GUCA1B: variants seen among roughly 807,000 people sequenced by gnomAD.
GUCA1B encodes the protein guanylate cyclase activator 1B, also known as guanylyl cyclase-activating protein 2.
In GUCA1B, 22 loss-of-function variants were observed where a neutral mutation model predicts 24.2. The ratio of observed to expected loss-of-function variants is 0.91; its 90% confidence interval spans 0.65 to 1.30. The LOEUF (loss-of-function observed/expected upper bound fraction) is 1.30, where lower values mean the gene tolerates loss of function less well. Among genes scored for constraint, GUCA1B ranks in the 50% most tolerant of loss-of-function variants. GUCA1B has a pLI of 0.00. For synonymous variants in GUCA1B, 100 were observed against 97.9 expected, an observed-to-expected ratio of 1.02 and a Z score of -0.13; for missense variants, 221 against 258.8, an observed-to-expected ratio of 0.85 and a Z score of 1.00.
chr6:42,185,775 G>A lies in GUCA1B; in HGVS notation c.380C>T (p.Ala127Val). 2 of 1,611,288 alleles carry A rather than the reference G, an allele frequency of 1.2e-6. No homozygotes were observed. The highest frequency in any genetic ancestry group is 1.7e-5 in the Admixed American group (1 of 60,004). The change falls in exon 3 of 4, where the codon GCC (alanine) becomes GTC (valine). Residue 127 changes from alanine (A) to valine (V), a missense_variant. Transcript: ENST00000230361. Reference sequence around the variant, plus strand: ...CTCAGTTTGTAGCTCTCGCCGGCAGGCTTTCTTCAGCTGGTAAATTCCCTG... The same window carrying A: ...CTCAGTTTGTAGCTCTCGCCGGCAGACTTTCTTCAGCTGGTAAATTCCCTG... ...IVEGIYQLKK[A>V]CRRELQTEQG...
At chr6:42,190,360 C>CTTT (rs1562064110) in intron 1 of GUCA1B, among the ~76,000 whole-genome samples, 1 of 72,744 alleles carries the variant, frequency 1.4e-5, no homozygotes, top group South Asian at 3.5e-4. Context: ...TGTCAACTTC[C>CTTT]ATTTTTTTTT....
chr6:42,191,458 C>T (rs1768303891), intron 1 of GUCA1B, among the ~76,000 whole-genome samples: 1 of 152,146 alleles, frequency 6.6e-6, no homozygotes, highest in Non-Finnish European at 1.5e-5. Context: ...CGAAATGACA[C>T]TCCTTGATAT....
chr6:42,190,386 A>T (rs999659137), intron 1 of GUCA1B, among the ~76,000 whole-genome samples: 82 of 100,846 alleles, frequency 8.1e-4, no homozygotes, highest in African/African-American at 4.0e-3. Flanking sequence ...TTTGGTGGGG[A>T]GGGGGTACTG....
intron 1 of GUCA1B, among the ~76,000 whole-genome samples, chr6:42,190,796 G>A (rs964516342): frequency 6.6e-6 from 1 of 152,122 alleles, no homozygotes; most frequent in Admixed American, 6.6e-5. Flanking sequence ...GGGGTGCCAA[G>A]AGAAGAAAAA....
At chr6:42,186,717 T>C (rs940058748) in intron 2 of GUCA1B, among the ~76,000 whole-genome samples, 2 of 152,296 alleles carry the variant, frequency 1.3e-5, no homozygotes, top group Admixed American at 6.5e-5. Context: ...TGCACCTCTA[T>C]GGCCTCACTG....
chr6:42,190,278 A>C (rs1300487957), intron 1 of GUCA1B, among the ~76,000 whole-genome samples: 2 of 151,990 alleles, frequency 1.3e-5, no homozygotes, highest in African/African-American at 4.8e-5. Context: ...AATTGAGGTC[A>C]GATTATATTT....
chr6:42,190,724 C>T (rs1026562787), intron 1 of GUCA1B, among the ~76,000 whole-genome samples: 2 of 152,108 alleles, frequency 1.3e-5, no homozygotes, highest in Admixed American at 6.5e-5. Context: ...TGCATCACGT[C>T]GGAAGAACTT....
At position 42,188,439 on chromosome 6, in the gene GUCA1B, A is replaced by G. The variant is rs114708838; in HGVS notation, c.357+143T>C. The G allele has an allele frequency of 1.3e-3, 888 of 702,886 alleles. 6 individuals carry two copies. In the African/African-American group the frequency reaches 0.014, roughly 11 times the overall value. The allele number at this position is 702,886 out of a possible 1,614,324, so 43.5% of individuals were successfully genotyped here. A position where few individuals can be genotyped will look rare whatever the true frequency, so the allele number is the denominator to read the frequency against. ...AGCTTAATTCCACTAGAAATTACAC[A>G]CTCAGAATGAGAACACAGGAAACAC... On this transcript the variant is annotated intron_variant, in intron 2 of 3. Transcript: ENST00000230361.
chr6:42,194,498 A>T (rs115829430), intron 1 of GUCA1B, 116 bp downstream of exon 1: 8 of 755,248 alleles, frequency 1.1e-5, no homozygotes, highest in Non-Finnish European at 1.2e-5. Context: ...GACGGAGTGG[A>T]AAGAAGAGCA....
Position 42,188,645 on chromosome 6 carries a change from G to A in GUCA1B, c.294C>T (p.Phe98=), listed in dbSNP as rs746803966. Residue 98 remains phenylalanine (F), a synonymous_variant, in exon 2 of 4, where the codon TTC becomes TTT. Coordinates refer to ENST00000230361, the MANE Select transcript of GUCA1B (RefSeq NM_002098.6). ...CATTGCCATCCTTATCATAGATCTT[G>A]AATGTCCACTTCAGCTTGTGCTCCA... The part of the protein sequence containing the change: ...GTLEHKLKWT[F]KIYDKDGNGC... The A allele has an allele frequency of 2.2e-5, 36 of 1,613,908 alleles. 1 individual carries two copies. In the South Asian group the frequency reaches 3.8e-4, roughly 17 times the overall value.
At position 42,184,398 on chromosome 6, in the gene GUCA1B, C is replaced by T. The variant is rs1163849557; in HGVS notation, c.*417G>A. The T allele has an allele frequency of 6.9e-6, 2 of 291,164 alleles. No homozygotes were observed. The highest frequency in any genetic ancestry group is 1.4e-5 in the Non-Finnish European group (2 of 146,306). The allele number at this position is 291,164 out of a possible 1,614,324, so 18.0% of individuals were successfully genotyped here. On this transcript the variant is annotated 3_prime_UTR_variant, in exon 4 of 4. Coordinates refer to ENST00000230361, the MANE Select transcript of GUCA1B (RefSeq NM_002098.6). ...GAGCCACCGTGCCCGGCAACTCCTG[C>T]CTTTTCTTCAGTCTCAACACCCTCC...
In GUCA1B at chr6:42,184,708, G is replaced by A. The variant is rs991862449; in HGVS notation, c.*107C>T. The A allele has an allele frequency of 3.4e-6, 4 of 1,164,884 alleles. No individual in the cohort carries two copies. In the African/African-American group the frequency reaches 6.0e-5, roughly 17 times the overall value. The allele number at this position is 1,164,884 out of a possible 1,614,324, so 72.2% of individuals were successfully genotyped here. On this transcript the variant is annotated 3_prime_UTR_variant, in exon 4 of 4. Transcript: ENST00000230361. ...CTCAGCCCTGCACAGGGGGTGCCAG[G>A]AAGTCAACACCAGGGGAAGAGTGGG...
intron 1 of GUCA1B, among the ~76,000 whole-genome samples, chr6:42,192,734 A>C (rs1381786939): frequency 6.6e-6 from 1 of 151,872 alleles, no homozygotes; most frequent in African/African-American, 2.4e-5. Flanking sequence ...TAAATAAATA[A>C]TACAAAAATT....
rs60440417 is a variant in GUCA1B, at chr6:42,188,912, C to CTATCTATATCATCT, written c.208-182_208-181insAGATGATATAGATA. On this transcript the variant is annotated intron_variant, in intron 1 of 3. Transcript: ENST00000230361. The stretch of plus-strand genomic sequence containing the variant: ...TCTATCTATCTATCTATATCTATAT[C>CTATCTATATCATCT]ATCTCTCTCTCTCTCTCTCTATCTG... Among the ~76,000 whole-genome samples the CTATCTATATCATCT allele has an allele frequency of 6.0e-3, 511 of 85,080 alleles. 4 individuals carry two copies. Among genetic ancestry groups the CTATCTATATCATCT allele is most frequent in the African/African-American group, 0.035 (470 of 13,346 alleles). The allele number at this position is 85,080 out of a possible 152,430, so 55.8% of individuals were successfully genotyped here.
chr6:42,191,193 T>C (rs1562064341), intron 1 of GUCA1B, among the ~76,000 whole-genome samples: 3 of 152,142 alleles, frequency 2.0e-5, no homozygotes, highest in South Asian at 2.1e-4. Context: ...TTGGCCATAT[T>C]TGTGCACCAG....
chr6:42,193,882 T>G (rs563194607), intron 1 of GUCA1B, among the ~76,000 whole-genome samples: 1 of 152,326 alleles, frequency 6.6e-6, no homozygotes, highest in South Asian at 2.1e-4. Context: ...ATTTGAGGAT[T>G]GCCAGGGCAC....
intron 3 of GUCA1B, 65 bp downstream of exon 3, chr6:42,185,615 C>A: frequency 4.1e-6 from 4 of 985,970 alleles, no homozygotes; most frequent in Non-Finnish European, 6.5e-6. Flanking sequence ...TGCCCAAGGA[C>A]GTGCGGCCAG....
At chr6:42,191,490 T>C (rs4714576) in intron 1 of GUCA1B, among the ~76,000 whole-genome samples, 81,536 of 152,000 alleles carry the variant, frequency 0.54, 24,187 homozygotes, top group East Asian at 0.85. Flanking sequence ...GAGTCAGGTG[T>C]AGGTTTGGAG....
chr6:42,183,458 ACT>A lies in GUCA1B; in HGVS notation c.*1355_*1356del, dbSNP rs911061380. 2.0e-5 allele frequency among the ~76,000 whole-genome samples: 3 copies of A among 152,126 alleles called. No homozygotes were observed. Among genetic ancestry groups the A allele is most frequent in the Non-Finnish European group, 2.9e-5 (2 of 68,016 alleles). Reference sequence around the variant, plus strand: ...AGAGGTGCCTCCAGTTCCAGAGGGTACTCAGCTCCCCTTTCAACCAGAGAGAC... The same window carrying A: ...AGAGGTGCCTCCAGTTCCAGAGGGTACAGCTCCCCTTTCAACCAGAGAGAC... On this transcript the variant is annotated 3_prime_UTR_variant, in exon 4 of 4. Coordinates refer to ENST00000230361, the MANE Select transcript of GUCA1B (RefSeq NM_002098.6).
Sources: allele counts gnomAD v4.1 joint callset (sites outside exome capture counted in the v4.1 genomes callset), GRCh38; gene constraint gnomAD v4.1.1; transcripts MANE v1.5; gene names NCBI Gene and HGNC (gene_info 2026-07-23, HGNC 2026-07-21).